CDH12: variants seen among roughly 807,000 people sequenced by gnomAD.
CDH12 encodes cadherin 12, also known as cadherin-12.
CDH12 carries 41 observed loss-of-function variants against 74.1 expected under a neutral mutation model. That is an observed-to-expected ratio of 0.55 (90% CI 0.43 to 0.72). The LOEUF is 0.72. CDH12 is among the 30% of genes least tolerant of loss of function. The pLI is 0.00. For missense variants in CDH12, 945 were observed against 977.2 expected (o/e 0.97, Z 0.44); for synonymous variants, 399 against 355.0 (o/e 1.12, Z -1.39).
At chr5:22,771,173 G>T (rs914287470) in intron 1 of CDH12, among the ~76,000 whole-genome samples, 1 of 152,050 alleles carries the variant, frequency 6.6e-6, no homozygotes, top group African/African-American at 2.4e-5. Flanking sequence ...TCCTTGAGAA[G>T]ATAGTTCTAT....
chr5:22,851,947 C>G (rs144971978), intron 1 of CDH12, among the ~76,000 whole-genome samples: 141 of 152,280 alleles, frequency 9.3e-4, no homozygotes, highest in African/African-American at 2.7e-3. Flanking sequence ...AACCTTACAA[C>G]TGCTCAGGTA....
intron 11 of CDH12, among the ~76,000 whole-genome samples, chr5:21,774,957 C>A (rs2149888074): frequency 6.6e-6 from 1 of 152,254 alleles, no homozygotes; most frequent in South Asian, 2.1e-4. Flanking sequence ...TGGAGTTACT[C>A]AGGGAGCTTG....
intron 6 of CDH12, among the ~76,000 whole-genome samples, chr5:21,973,584 G>A (rs1419159459): frequency 6.6e-6 from 1 of 152,128 alleles, no homozygotes; most frequent in East Asian, 1.9e-4. Flanking sequence ...CAATACTGTA[G>A]AGGCATGTGT....
chr5:22,447,903 G>A (rs6874256), intron 2 of CDH12, among the ~76,000 whole-genome samples: 121,735 of 150,350 alleles, frequency 0.81, 49,526 homozygotes, highest in Admixed American at 0.88. Context: ...GCACTTTGGG[G>A]GGCCAAAGCG....
intron 1 of CDH12, among the ~76,000 whole-genome samples, chr5:22,759,417 G>A (rs1233905652): frequency 5.9e-5 from 9 of 152,080 alleles, no homozygotes; most frequent in Non-Finnish European, 1.2e-4. Context: ...AATTAGGCAA[G>A]ATCATTTAGC....
chr5:22,196,628 T>C (rs1750634104), intron 4 of CDH12, among the ~76,000 whole-genome samples: 1 of 152,076 alleles, frequency 6.6e-6, no homozygotes, highest in Admixed American at 6.5e-5. Context: ...TTTGCTCTCA[T>C]CAAAAAAGGA....
At chr5:22,526,802 A>G (rs1302287257) in intron 1 of CDH12, among the ~76,000 whole-genome samples, 1 of 152,160 alleles carries the variant, frequency 6.6e-6, no homozygotes, top group Non-Finnish European at 1.5e-5. Context: ...CCTAGGTAGA[A>G]GCAGTTCTGG....
intron 2 of CDH12, among the ~76,000 whole-genome samples, chr5:22,460,693 A>ACAGTTGATG (rs1745464496): frequency 6.8e-6 from 1 of 147,048 alleles, no homozygotes; most frequent in Admixed American, 6.9e-5. Flanking sequence ...TTTCTAGAGA[A>ACAGTTGATG]CAGTTGATGA....
chr5:22,077,077 T>TGC (rs1182124498), intron 5 of CDH12, among the ~76,000 whole-genome samples: 10 of 146,282 alleles, frequency 6.8e-5, no homozygotes, highest in South Asian at 2.1e-4. Context: ...TGTGTGTGTG[T>TGC]GCGCGTGTGT....
At chr5:22,538,848 A>G (rs1737977466) in intron 1 of CDH12, among the ~76,000 whole-genome samples, 1 of 152,130 alleles carries the variant, frequency 6.6e-6, no homozygotes, top group African/African-American at 2.4e-5. Flanking sequence ...TCCAGTCAAT[A>G]TTTGTATTAA....
chr5:21,785,140 T>C (rs1282909483), intron 10 of CDH12, among the ~76,000 whole-genome samples: 2 of 152,186 alleles, frequency 1.3e-5, no homozygotes, highest in Non-Finnish European at 2.9e-5. Flanking sequence ...GATGTTACTA[T>C]TGAAATTATT....
At chr5:22,247,745 G>A (rs1461317843) in intron 3 of CDH12, among the ~76,000 whole-genome samples, 1 of 151,996 alleles carries the variant, frequency 6.6e-6, no homozygotes, top group East Asian at 1.9e-4. Context: ...CATAAGTACT[G>A]TGACATAAAA....
intron 4 of CDH12, among the ~76,000 whole-genome samples, chr5:22,099,177 T>A (rs1046217666): frequency 2.0e-4 from 31 of 152,130 alleles, no homozygotes; most frequent in Admixed American, 7.2e-4. Context: ...AGGCCACCAC[T>A]GTCATTTCTT....
intron 4 of CDH12, among the ~76,000 whole-genome samples, chr5:22,115,785 G>A (rs1388474805): frequency 1.4e-5 from 2 of 143,226 alleles, no homozygotes; most frequent in Non-Finnish European, 3.0e-5. Flanking sequence ...TCTGCCTCCC[G>A]GGTTCAAGCG....
intron 11 of CDH12, among the ~76,000 whole-genome samples, chr5:21,769,465 C>T (rs142322518): frequency 1.1e-4 from 17 of 152,034 alleles, no homozygotes; most frequent in East Asian, 3.9e-4. Context: ...ATACTAGCAA[C>T]GTCTAAATTT....
chr5:22,699,315 A>T (rs1358482519), intron 1 of CDH12, among the ~76,000 whole-genome samples: 1 of 151,282 alleles, frequency 6.6e-6, no homozygotes, highest in East Asian at 1.9e-4. Context: ...TTCTTTTTAG[A>T]ACAATTATTT....
intron 1 of CDH12, among the ~76,000 whole-genome samples, chr5:22,593,147 TA>T (rs1276912302): frequency 6.6e-6 from 1 of 152,170 alleles, no homozygotes; most frequent in East Asian, 1.9e-4. Flanking sequence ...CTTGATTTTA[TA>T]ATGATCTCAA....
At chr5:21,883,746 G>A in intron 6 of CDH12, 2 of 1,588,506 alleles carry the variant, frequency 1.3e-6, no homozygotes, top group Non-Finnish European at 1.7e-6. Flanking sequence ...TAGTGAATAT[G>A]AAAAGGAAAA....
intron 4 of CDH12, among the ~76,000 whole-genome samples, chr5:22,106,114 A>G (rs1390530647): frequency 6.6e-6 from 1 of 152,130 alleles, no homozygotes; most frequent in Non-Finnish European, 1.5e-5. Flanking sequence ...AACCATAGAC[A>G]CTGGGTTCTA....
Sources: allele counts gnomAD v4.1 joint callset (sites outside exome capture counted in the v4.1 genomes callset), GRCh38; gene constraint gnomAD v4.1.1; transcripts MANE v1.5; gene names NCBI Gene and HGNC (gene_info 2026-07-23, HGNC 2026-07-21).